MCPH1: variants seen among roughly 807,000 people sequenced by gnomAD.
The protein encoded by MCPH1 is microcephalin 1, also known as microcephalin.
MCPH1 carries 104 observed loss-of-function variants against 84.5 expected under a neutral mutation model. The observed-to-expected ratio is 1.23, with a 90% CI of 1.05 to 1.45. The LOEUF is 1.45. Ranked by LOEUF, MCPH1 falls within the 40% of genes most tolerant of loss-of-function variation. The pLI is 0.00. For synonymous variants in MCPH1, 514 were observed against 366.8 expected, an observed-to-expected ratio of 1.40 and a Z score of -4.58; for missense variants, 1,498 against 1,005.7, an observed-to-expected ratio of 1.49 and a Z score of -6.62.
chr8:6,492,275 C>G (rs1810699519), intron 11 of MCPH1, among the ~76,000 whole-genome samples: 1 of 152,148 alleles, frequency 6.6e-6, no homozygotes, highest in South Asian at 2.1e-4. Context: ...TAAATGTCTT[C>G]TTTTGAGAAG....
chr8:6,539,854 T>C (rs1055743541), intron 12 of MCPH1, among the ~76,000 whole-genome samples: 3 of 152,228 alleles, frequency 2.0e-5, no homozygotes, highest in Non-Finnish European at 2.9e-5. Flanking sequence ...CCCAAAGTGC[T>C]AGGATTACAG....
chr8:6,613,135 G>A (rs1319947453), intron 12 of MCPH1, among the ~76,000 whole-genome samples: 1 of 152,190 alleles, frequency 6.6e-6, no homozygotes, highest in Non-Finnish European at 1.5e-5. Context: ...CCTGCAGCAG[G>A]TGCCGGGTGC....
chr8:6,501,575 G>A (rs1324856359), intron 12 of MCPH1: 3 of 127,258 alleles, frequency 2.4e-5, no homozygotes, highest in Non-Finnish European at 4.8e-5. Flanking sequence ...TTTTTTTTGA[G>A]ATGGAGTCTT....
chr8:6,626,774 C>A (rs779339027), intron 13 of MCPH1: 1 of 985,058 alleles, frequency 1.0e-6, no homozygotes, highest in African/African-American at 1.7e-5. Context: ...AGCCCTGGCG[C>A]GGTCCTCAAG....
intron 12 of MCPH1, among the ~76,000 whole-genome samples, chr8:6,594,252 G>T (rs1828745732): frequency 6.6e-6 from 1 of 152,188 alleles, no homozygotes; most frequent in Non-Finnish European, 1.5e-5. Flanking sequence ...CTATTAAAGG[G>T]TTCTTTGTGT....
chr8:6,607,936 A>G (rs1354003133), intron 12 of MCPH1, among the ~76,000 whole-genome samples: 2 of 152,216 alleles, frequency 1.3e-5, no homozygotes, highest in Admixed American at 6.5e-5. Flanking sequence ...GTTTGGCAAT[A>G]AAGTGATCCA....
chr8:6,418,815 C>G (rs979408037), intron 3 of MCPH1, among the ~76,000 whole-genome samples: 1 of 152,012 alleles, frequency 6.6e-6, no homozygotes, highest in Non-Finnish European at 1.5e-5. Context: ...CTTCTGACCT[C>G]GTGATCTGCC....
At chr8:6,588,617 T>G (rs1828187707) in intron 12 of MCPH1, among the ~76,000 whole-genome samples, 2 of 152,258 alleles carry the variant, frequency 1.3e-5, no homozygotes, top group South Asian at 2.1e-4. Context: ...CATTGAACTG[T>G]TAAACCGTGT....
intron 12 of MCPH1, among the ~76,000 whole-genome samples, chr8:6,505,900 T>TAC (rs552452628): frequency 1.2e-3 from 110 of 89,888 alleles, no homozygotes; most frequent in African/African-American, 3.2e-3. Flanking sequence ...TATAAAAACA[T>TAC]ACATATTCTT....
intron 12 of MCPH1, among the ~76,000 whole-genome samples, chr8:6,523,836 C>T (rs1817833805): frequency 6.6e-6 from 1 of 151,284 alleles, no homozygotes; most frequent in Non-Finnish European, 1.5e-5. Flanking sequence ...ATTCGTCCAC[C>T]TCGGCCTTCC....
At chr8:6,508,979 C>T (rs748888754) in intron 12 of MCPH1, 13 of 1,614,148 alleles carry the variant, frequency 8.1e-6, no homozygotes, top group Non-Finnish European at 1.1e-5. Context: ...GTCGTTGTCT[C>T]CATCCTTTGT....
At chr8:6,425,011 G>C (rs1011456768) in intron 3 of MCPH1, among the ~76,000 whole-genome samples, 1 of 152,178 alleles carries the variant, frequency 6.6e-6, no homozygotes, top group Non-Finnish European at 1.5e-5. Flanking sequence ...ACTGGTGCTG[G>C]GCAGTTTGGC....
At chr8:6,545,354 C>CA (rs1429731752) in intron 12 of MCPH1, among the ~76,000 whole-genome samples, 2 of 152,112 alleles carry the variant, frequency 1.3e-5, no homozygotes, top group Non-Finnish European at 2.9e-5. Flanking sequence ...TTTTATATCT[C>CA]AAAAATTCTT....
At chr8:6,623,711 AAAAAAAAC>A (rs1831741991) in intron 13 of MCPH1, among the ~76,000 whole-genome samples, 2 of 4,132 alleles carry the variant, frequency 4.8e-4, no homozygotes, top group African/African-American at 1.7e-3. Context: ...AAAAAAAAAA[AAAAAAAAC>A]TATTGATTTT....
chr8:6,632,231 G>C (rs372658192), intron 13 of MCPH1, among the ~76,000 whole-genome samples: 1 of 152,142 alleles, frequency 6.6e-6, no homozygotes, highest in South Asian at 2.1e-4. Context: ...ACTCAGTTTT[G>C]GATAATGAGA....
At chr8:6,514,607 G>A (rs1331723408) in intron 12 of MCPH1, 1 of 1,375,946 alleles carries the variant, frequency 7.3e-7, no homozygotes, top group Non-Finnish European at 1.0e-6. Flanking sequence ...GGTGGTTAAG[G>A]TTCCGCAGAT....
At position 6,584,644 on chromosome 8, in the gene MCPH1, C is replaced by G. The variant is rs575904328; in HGVS notation, c.2215-36810C>G. On this transcript the variant is annotated intron_variant, in intron 12 of 13. Transcript: ENST00000344683. Reference sequence around the variant, plus strand: ...CTTAAGAAGTATTTCTCAGTGTTCGCTACACGTCACTTAATCTTTTCCAAA... The same window carrying G: ...CTTAAGAAGTATTTCTCAGTGTTCGGTACACGTCACTTAATCTTTTCCAAA... Among the ~76,000 whole-genome samples, 3 of 152,272 alleles carry G rather than the reference C, an allele frequency of 2.0e-5. No individual in the cohort carries two copies. In the East Asian group the frequency reaches 5.8e-4, roughly 29 times the overall value.
intron 12 of MCPH1, chr8:6,618,468 T>A (rs1831085709): frequency 6.6e-6 from 1 of 152,204 alleles, no homozygotes; most frequent in African/African-American, 2.4e-5. Flanking sequence ...AAAGGTTTAT[T>A]TACTGCTTAT....
intron 13 of MCPH1, 113 bp from the exon 14 acceptor site, chr8:6,642,881 C>A: frequency 2.0e-6 from 2 of 994,742 alleles, no homozygotes; most frequent in Non-Finnish European, 3.1e-6. Context: ...ATGGACAACA[C>A]AGCTCTTGGC....
Sources: allele counts gnomAD v4.1 joint callset (sites outside exome capture counted in the v4.1 genomes callset), GRCh38; gene constraint gnomAD v4.1.1; transcripts MANE v1.5; gene names NCBI Gene and HGNC (gene_info 2026-07-23, HGNC 2026-07-21).